The following PRKCA variants were observed in gnomAD, a reference collection of about 807,000 sequenced individuals.
PRKCA encodes the protein protein kinase C alpha type.
In PRKCA, 27 loss-of-function variants were observed where a neutral mutation model predicts 87.0. That is an observed-to-expected ratio of 0.31 (90% confidence interval 0.23 to 0.43). The LOEUF (loss-of-function observed/expected upper bound fraction) is 0.43. Among genes scored for constraint, PRKCA ranks in the 20% least tolerant of loss-of-function variants. The pLI is 1.00. For synonymous variants in PRKCA, 329 were observed against 311.1 expected (o/e 1.06, Z -0.61); for missense variants, 518 against 852.3 (o/e 0.61, Z 4.88).
chr17:66,676,693 A>AG (rs1406867788), intron 5 of PRKCA: 2 of 152,252 alleles, frequency 1.3e-5, no homozygotes, highest in Non-Finnish European at 2.9e-5. Flanking sequence ...AGATACCCTG[A>AG]GGAGGAGGCT....
chr17:66,546,298 G>T (rs1968142759), intron 3 of PRKCA, among the ~76,000 whole-genome samples: 1 of 152,076 alleles, frequency 6.6e-6, no homozygotes, highest in African/African-American at 2.4e-5. Context: ...ATGTTTGGTT[G>T]TATTAGTTTC....
At chr17:66,753,947 G>A (rs1331745665) in intron 13 of PRKCA, among the ~76,000 whole-genome samples, 1 of 152,104 alleles carries the variant, frequency 6.6e-6, no homozygotes, top group Non-Finnish European at 1.5e-5. Context: ...TTTTATAAGG[G>A]TAGCTCAAGC....
chr17:66,570,703 T>C (rs979426726), intron 3 of PRKCA, among the ~76,000 whole-genome samples: 2 of 152,224 alleles, frequency 1.3e-5, no homozygotes, highest in Non-Finnish European at 2.9e-5. Flanking sequence ...TTATATGTAA[T>C]GTCTTGATAT....
At chr17:66,673,387 A>T (rs1972245199) in intron 5 of PRKCA, among the ~76,000 whole-genome samples, 1 of 152,250 alleles carries the variant, frequency 6.6e-6, no homozygotes, top group Non-Finnish European at 1.5e-5. Context: ...AAAATAGAAT[A>T]TTCACTAAAT....
At chr17:66,674,899 T>A (rs1972285166) in intron 5 of PRKCA, among the ~76,000 whole-genome samples, 1 of 152,168 alleles carries the variant, frequency 6.6e-6, no homozygotes, top group Admixed American at 6.5e-5. Context: ...AGTTACCTCC[T>A]TATGCCATGG....
intron 3 of PRKCA, among the ~76,000 whole-genome samples, chr17:66,595,697 G>A (rs540994281): frequency 9.2e-5 from 14 of 151,914 alleles, no homozygotes; most frequent in East Asian, 1.9e-4. Context: ...TCCTGACCTC[G>A]TGATCCGCCC....
At chr17:66,712,089 C>T (rs1193985027) in intron 8 of PRKCA, among the ~76,000 whole-genome samples, 1 of 152,134 alleles carries the variant, frequency 6.6e-6, no homozygotes, top group African/African-American at 2.4e-5. Context: ...GGATACACAT[C>T]TCCAGAGGCT....
chr17:66,505,715 T>C (rs1183469931), intron 3 of PRKCA, among the ~76,000 whole-genome samples: 1 of 152,180 alleles, frequency 6.6e-6, no homozygotes, highest in African/African-American at 2.4e-5. Flanking sequence ...AGATGATCAA[T>C]TAGAGTGATT....
chr17:66,735,920 C>CTTTTTTTTTTT, intron 10 of PRKCA, among the ~76,000 whole-genome samples: 1 of 122,116 alleles, frequency 8.2e-6, no homozygotes. Context: ...TTCTTTCTTT[C>CTTTTTTTTTTT]TTTTTTTTTT....
chr17:66,729,358 C>T (rs556355567), intron 8 of PRKCA, among the ~76,000 whole-genome samples: 109 of 152,168 alleles, frequency 7.2e-4, no homozygotes, highest in African/African-American at 2.6e-3. Context: ...GAGCTGGGAT[C>T]GCACCACTGC....
Position 66,519,577 on chromosome 17 carries a change from A to G in PRKCA, c.288+23294A>G, listed in dbSNP as rs182418387. ...CCTTTCAATTGGTGATTCTTTTACA[A>G]GTTATACTGGGAATTAAATGGGGTG... On this transcript the variant is annotated intron_variant, in intron 3 of 16. Coordinates refer to ENST00000413366, the MANE Select transcript of PRKCA (RefSeq NM_002737.3). Among the ~76,000 whole-genome samples the G allele has an allele frequency of 2.4e-3, 359 of 152,234 alleles. 2 individuals carry two copies. The highest frequency in any genetic ancestry group is 0.01 in the Middle Eastern group (3 of 294).
chr17:66,659,252 G>A (rs904124688), intron 5 of PRKCA, among the ~76,000 whole-genome samples: 1 of 152,164 alleles, frequency 6.6e-6, no homozygotes, highest in African/African-American at 2.4e-5. Context: ...GGCCTGAGAG[G>A]CTGCTGGTCC....
intron 2 of PRKCA, among the ~76,000 whole-genome samples, chr17:66,473,356 T>G (rs1449466449): frequency 6.6e-6 from 1 of 152,132 alleles, no homozygotes; most frequent in African/African-American, 2.4e-5. Flanking sequence ...CTTGCTCACA[T>G]GAAACACTCT....
chr17:66,425,142 G>A (rs920373016), intron 2 of PRKCA, among the ~76,000 whole-genome samples: 8 of 152,090 alleles, frequency 5.3e-5, no homozygotes, highest in Non-Finnish European at 7.4e-5. Flanking sequence ...TGGTCCTGTC[G>A]CTCCCAGAAG....
intron 6 of PRKCA, 105 bp downstream of exon 6, chr17:66,687,372 T>C (rs1022264697): frequency 4.6e-6 from 6 of 1,300,048 alleles, no homozygotes; most frequent in Middle Eastern, 1.9e-4. Flanking sequence ...TCTTTAAACA[T>C]GTCTTCAGTC....
chr17:66,308,629 T>C (rs1904942517), intron 2 of PRKCA, among the ~76,000 whole-genome samples: 1 of 152,210 alleles, frequency 6.6e-6, no homozygotes, highest in South Asian at 2.1e-4. Flanking sequence ...TATACATTTA[T>C]TTGTAACATG....
At chr17:66,783,509 T>C (rs1568031882) in intron 14 of PRKCA, among the ~76,000 whole-genome samples, 1 of 152,170 alleles carries the variant, frequency 6.6e-6, no homozygotes, top group East Asian at 1.9e-4. Context: ...GATACAGCCA[T>C]TCACCTTCAG....
At chr17:66,346,633 T>C (rs1300553387) in intron 2 of PRKCA, among the ~76,000 whole-genome samples, 1 of 152,196 alleles carries the variant, frequency 6.6e-6, no homozygotes, top group East Asian at 1.9e-4. Context: ...AAGCCAAGCT[T>C]ATTAGAAATA....
chr17:66,676,341 C>T (rs1972332124), intron 5 of PRKCA: 1 of 152,212 alleles, frequency 6.6e-6, no homozygotes, highest in African/African-American at 2.4e-5. Flanking sequence ...ACTTGAGATG[C>T]TCCTGAACTG....
Sources: allele counts gnomAD v4.1 joint callset (sites outside exome capture counted in the v4.1 genomes callset), GRCh38; gene constraint gnomAD v4.1.1; transcripts MANE v1.5; gene names NCBI Gene and HGNC (gene_info 2026-07-23, HGNC 2026-07-21).